The following INPP5B variants were observed in gnomAD, a reference collection of about 807,000 sequenced individuals.
The protein encoded by INPP5B is inositol polyphosphate-5-phosphatase B.
INPP5B carries 90 observed loss-of-function variants against 118.5 expected under a neutral mutation model. The ratio of observed to expected loss-of-function variants is 0.76; its 90% confidence interval spans 0.64 to 0.90. INPP5B has a LOEUF of 0.90. Ranked by LOEUF, INPP5B falls within the 40% of genes least tolerant of loss-of-function variation. The pLI, the probability that INPP5B is intolerant of heterozygous loss-of-function variation, is 0.00. For missense variants in INPP5B, 984 were observed against 1,125.6 expected (o/e 0.87, Z 1.80); for synonymous variants, 385 against 418.9 (o/e 0.92, Z 0.99).
At chr1:37,877,108 T>G (rs1049753895) in intron 16 of INPP5B, among the ~76,000 whole-genome samples, 4 of 149,520 alleles carry the variant, frequency 2.7e-5, no homozygotes, top group African/African-American at 9.9e-5. Context: ...GGCTCATGCC[T>G]GTAATCACAG....
At position 37,861,212 on chromosome 1, in the gene INPP5B, C is replaced by T. The variant is rs942883845; in HGVS notation, c.*1103G>A. 6.6e-5 allele frequency: 10 copies of T among 152,156 alleles called. No individual in the cohort carries two copies. Among genetic ancestry groups the T allele is most frequent in the African/African-American group, 2.2e-4 (9 of 41,432 alleles). 9.4% of individuals were successfully genotyped at this position (152,156 alleles called of 1,614,324 possible). A position where few individuals can be genotyped will look rare whatever the true frequency, so the allele number is the denominator to read the frequency against. On this transcript the variant is annotated 3_prime_UTR_variant, in exon 24 of 24. Coordinates refer to ENST00000373024, the MANE Select transcript of INPP5B (RefSeq NM_005540.3). ...TATTGAGCCATTATCTGGGCAGGAA[C>T]GGGGGTCGAGTTTGCATATGCATAT...
chr1:37,891,698 C>T (rs1189584290), intron 7 of INPP5B, among the ~76,000 whole-genome samples: 2 of 152,114 alleles, frequency 1.3e-5, no homozygotes, highest in East Asian at 1.9e-4. Context: ...CGCTTGAACC[C>T]GGGAGGCGGA....
chr1:37,896,402 A>C (rs1204904826), intron 7 of INPP5B, among the ~76,000 whole-genome samples: 1 of 142,678 alleles, frequency 7.0e-6, no homozygotes, highest in Non-Finnish European at 1.5e-5. Flanking sequence ...CCCGGCAGCC[A>C]CCTCGTCCGG....
chr1:37,877,025 T>C (rs1299364138), intron 16 of INPP5B, among the ~76,000 whole-genome samples: 4 of 152,098 alleles, frequency 2.6e-5, no homozygotes, highest in Non-Finnish European at 5.9e-5. Context: ...ACTGCATCAC[T>C]GCACTCCAGC....
Position 37,907,520 on chromosome 1 carries a change from G to C in INPP5B, c.533-16066C>G, listed in dbSNP as rs1348640258. 2.6e-5 allele frequency among the ~76,000 whole-genome samples: 4 copies of C among 152,202 alleles called. No individual in the cohort carries two copies. The highest frequency in any genetic ancestry group is 5.9e-5 in the Non-Finnish European group (4 of 68,042). Reference sequence around the variant, plus strand: ...AACCACAGTAACTCCATCTTGAATAGGGGCCAGGTAAAATAAGGCTAAGAC... The same window carrying C: ...AACCACAGTAACTCCATCTTGAATACGGGCCAGGTAAAATAAGGCTAAGAC... On this transcript the variant is annotated intron_variant, in intron 7 of 23. Transcript: ENST00000373024. This position sits in a 1 kb window ranked among gnomAD's most constrained non-coding sequence, Gnocchi z 4.3.
At chr1:37,898,948 G>A (rs1644226232) in intron 7 of INPP5B, among the ~76,000 whole-genome samples, 1 of 152,076 alleles carries the variant, frequency 6.6e-6, no homozygotes, top group Non-Finnish European at 1.5e-5. Context: ...CTGGAAGGCT[G>A]AGGCAGGCGG....
chr1:37,922,409 T>G (rs1430090326), intron 7 of INPP5B, among the ~76,000 whole-genome samples: 1 of 150,786 alleles, frequency 6.6e-6, no homozygotes, highest in Non-Finnish European at 1.5e-5. Flanking sequence ...TAAGCTGGGC[T>G]CCGTTTCAAA....
chr1:37,877,906 G>T (rs1049090556), intron 16 of INPP5B, among the ~76,000 whole-genome samples: 3 of 152,124 alleles, frequency 2.0e-5, no homozygotes, highest in African/African-American at 7.2e-5. Flanking sequence ...TATCCTCAAT[G>T]TTGTATACAC....
intron 15 of INPP5B, among the ~76,000 whole-genome samples, chr1:37,879,033 GGA>G (rs1643023055): frequency 1.1e-5 from 1 of 89,352 alleles, no homozygotes; most frequent in East Asian, 3.7e-4. Flanking sequence ...CAAGGCAGGG[GGA>G]TCATGAGGTC....
At chr1:37,934,893 C>CTT (rs138547948) in intron 6 of INPP5B, among the ~76,000 whole-genome samples, 45 of 148,326 alleles carry the variant, frequency 3.0e-4, no homozygotes, top group South Asian at 1.9e-3. Context: ...AGGCGGTGTT[C>CTT]TTTTTTTTTT....
chr1:37,892,201 G>A (rs1169001121), intron 7 of INPP5B, among the ~76,000 whole-genome samples: 1 of 152,182 alleles, frequency 6.6e-6, no homozygotes, highest in Admixed American at 6.5e-5. Flanking sequence ...GTTGACATAT[G>A]AGTAGGCACT....
At chr1:37,885,988 G>A (rs1643508739) in intron 12 of INPP5B, among the ~76,000 whole-genome samples, 163 bp from the exon 13 acceptor site, 1 of 152,058 alleles carries the variant, frequency 6.6e-6, no homozygotes, top group Non-Finnish European at 1.5e-5. Flanking sequence ...GACCAGCCTG[G>A]CCAAGATGGT....
chr1:37,879,346 CCTT>C (rs1372577422), intron 15 of INPP5B, among the ~76,000 whole-genome samples: 1 of 151,684 alleles, frequency 6.6e-6, no homozygotes, highest in Non-Finnish European at 1.5e-5. Context: ...TACCTGTACC[CCTT>C]GTCTGCTTGG....
intron 9 of INPP5B, among the ~76,000 whole-genome samples, 194 bp from the exon 10 acceptor site, chr1:37,888,538 T>C (rs1419617277): frequency 2.0e-5 from 3 of 152,328 alleles, no homozygotes; most frequent in East Asian, 3.9e-4. Flanking sequence ...TCTGTTACTT[T>C]TGTGATAACA....
chr1:37,896,440 C>T (rs1248197814), intron 7 of INPP5B, among the ~76,000 whole-genome samples: 7 of 150,918 alleles, frequency 4.6e-5, no homozygotes, highest in Non-Finnish European at 7.4e-5. Context: ...CAGCCCCCCG[C>T]CCGGCCAGCT....
intron 3 of INPP5B, among the ~76,000 whole-genome samples, chr1:37,945,086 C>T (rs1432891046): frequency 6.6e-6 from 1 of 151,998 alleles, no homozygotes; most frequent in Non-Finnish European, 1.5e-5. Context: ...GCTATGAGTG[C>T]ACTACTGCAC....
intron 7 of INPP5B, among the ~76,000 whole-genome samples, chr1:37,920,896 G>C (rs1053067964): frequency 1.3e-5 from 2 of 152,064 alleles, no homozygotes; most frequent in Non-Finnish European, 2.9e-5. Context: ...CACAAGGTCA[G>C]GAGATCGAGA....
Position 37,874,130 on chromosome 1 carries a change from A to T in INPP5B, c.1814T>A (p.Met605Lys), listed in dbSNP as rs761470534. 1 of 1,585,672 alleles carries T rather than the reference A, an allele frequency of 6.3e-7. No homozygotes were observed. Among genetic ancestry groups the T allele is most frequent in the East Asian group, 2.3e-5 (1 of 44,328 alleles). ...TGTAAAGGATTCTACTTTCAATTGCATGTACTTCACATTCTGAAAACAGAA... is the reference window on the plus strand; with the variant it reads ...TGTAAAGGATTCTACTTTCAATTGCTTGTACTTCACATTCTGAAAACAGAA... Reference protein sequence around the residue: ...REFCFQNVKYMQLKVESFTIH... With the variant: ...REFCFQNVKYKQLKVESFTIH... Residue 605 changes from methionine to lysine, a missense_variant, in exon 18 of 24, where the codon ATG becomes AAG. Met to Lys is a moderately conservative substitution (Grantham distance 95, BLOSUM62 -1). Around this residue, in one of 2 missense-constraint regions of INPP5B, gnomAD observed 634 missense variants for 791.0 expected, o/e 0.80. Transcript: ENST00000373024.
At chr1:37,920,836 G>C (rs544414407) in intron 7 of INPP5B, among the ~76,000 whole-genome samples, 3 of 152,178 alleles carry the variant, frequency 2.0e-5, no homozygotes, top group African/African-American at 7.2e-5. Context: ...GCCAGGCGCG[G>C]TGGCTCACAC....
Sources: gnomAD v4.1 joint callset for allele counts (sites outside exome capture counted in the v4.1 genomes callset) on GRCh38, gnomAD v4.1.1 for gene constraint, gnomAD v4.1.1 regional missense constraint, Gnocchi (gnomAD v3.1) non-coding constraint, MANE v1.5 for transcripts, NCBI Gene and HGNC (gene_info 2026-07-23, HGNC 2026-07-21) for gene names.